The following PLEKHA5 variants were observed in gnomAD, a reference collection of about 807,000 sequenced individuals.
The protein encoded by PLEKHA5 is pleckstrin homology domain-containing family A member 5.
PLEKHA5 carries 55 observed loss-of-function variants against 181.9 expected under a neutral mutation model. The observed-to-expected ratio is 0.30, with a 90% CI of 0.24 to 0.38. The LOEUF (loss-of-function observed/expected upper bound fraction) is 0.38, where lower values mean the gene tolerates loss of function less well. Among genes scored for constraint, PLEKHA5 ranks in the 10% least tolerant of loss-of-function variants. The pLI is 1.00. For synonymous variants in PLEKHA5, 535 were observed against 529.4 expected (o/e 1.01, Z -0.15); for missense variants, 1,432 against 1,549.5 (o/e 0.92, Z 1.27).
At chr12:19,251,877 T>C (rs1033914781) in intron 3 of PLEKHA5, among the ~76,000 whole-genome samples, 2 of 152,116 alleles carry the variant, frequency 1.3e-5, no homozygotes, top group Non-Finnish European at 2.9e-5. Flanking sequence ...TGTCTTCCCT[T>C]CCCTGCCCTT....
intron 13 of PLEKHA5, among the ~76,000 whole-genome samples, chr12:19,290,458 T>C (rs2078179660): frequency 1.3e-5 from 2 of 152,242 alleles, no homozygotes; most frequent in Non-Finnish European, 2.9e-5. Context: ...TGCCTTAATT[T>C]ACTGTTGTTT....
intron 3 of PLEKHA5, among the ~76,000 whole-genome samples, chr12:19,140,673 C>T (rs2036994015): frequency 6.6e-6 from 1 of 152,160 alleles, no homozygotes; most frequent in South Asian, 2.1e-4. Flanking sequence ...AAAAGCAAGC[C>T]TCTTTACCTA....
Position 19,159,368 on chromosome 12 carries a change from A to T in PLEKHA5, c.227+26918A>T, listed in dbSNP as rs188399326. Among the ~76,000 whole-genome samples, 2 of 152,274 alleles carry T rather than the reference A, an allele frequency of 1.3e-5. 1 individual carries two copies. The highest frequency in any genetic ancestry group is 1.3e-4 in the Admixed American group (2 of 15,296). On this transcript the variant is annotated intron_variant, in intron 3 of 31. Coordinates refer to ENST00000429027, the MANE Select transcript of PLEKHA5 (RefSeq NM_001256470.2). ...ATTGCCCTTTTCACTTGAAACAATG[A>T]TGTATTCATAGTCTTAAATATTTTT...
chr12:19,197,071 C>CT (rs2052978621), intron 3 of PLEKHA5, among the ~76,000 whole-genome samples: 1 of 152,138 alleles, frequency 6.6e-6, no homozygotes, highest in South Asian at 2.1e-4. Context: ...AGGTAGCTCT[C>CT]TTCCCCACTG....
chr12:19,337,757 C>G (rs1030311616), intron 21 of PLEKHA5, among the ~76,000 whole-genome samples: 2 of 152,108 alleles, frequency 1.3e-5, no homozygotes, highest in Admixed American at 6.6e-5. Flanking sequence ...GACCAACCAG[C>G]CTGACCAACA....
At chr12:19,194,411 T>C (rs1250628868) in intron 3 of PLEKHA5, among the ~76,000 whole-genome samples, 1 of 152,196 alleles carries the variant, frequency 6.6e-6, no homozygotes, top group African/African-American at 2.4e-5. Flanking sequence ...AACATACAAG[T>C]GCATGTATCT....
intron 22 of PLEKHA5, among the ~76,000 whole-genome samples, chr12:19,344,091 A>G (rs2094146366): frequency 1.3e-5 from 2 of 151,886 alleles, no homozygotes; most frequent in Non-Finnish European, 2.9e-5. Flanking sequence ...TTATAATCTT[A>G]TGGGACCACT....
At chr12:19,224,154 G>C (rs780081650) in intron 3 of PLEKHA5, among the ~76,000 whole-genome samples, 1 of 152,182 alleles carries the variant, frequency 6.6e-6, no homozygotes, top group Non-Finnish European at 1.5e-5. Context: ...TAACAAGGTA[G>C]TATGTGGATG....
intron 20 of PLEKHA5, among the ~76,000 whole-genome samples, chr12:19,331,799 A>G (rs564908154): frequency 6.6e-6 from 1 of 151,544 alleles, no homozygotes; most frequent in Non-Finnish European, 1.5e-5. Context: ...GAGGCAGGAG[A>G]ATTGCTTTAG....
chr12:19,309,061 C>CA (rs1170350562), intron 15 of PLEKHA5, among the ~76,000 whole-genome samples: 67 of 147,458 alleles, frequency 4.5e-4, no homozygotes, highest in African/African-American at 1.1e-3. Context: ...GACTCCATCT[C>CA]AAAAAAAAAG....
chr12:19,129,914 GC>G (rs2032848522), intron 1 of PLEKHA5, 26 bp downstream of exon 1: 1 of 1,578,630 alleles, frequency 6.3e-7, no homozygotes, highest in African/African-American at 1.4e-5. Flanking sequence ...CGGCACGGGG[GC>G]CCGCGGGGGC....
intron 29 of PLEKHA5, among the ~76,000 whole-genome samples, chr12:19,363,595 G>A (rs529623541): frequency 1.8e-4 from 27 of 151,506 alleles, no homozygotes; most frequent in African/African-American, 4.4e-4. Context: ...GGGTTCAAGC[G>A]ATTCTCCTGC....
chr12:19,322,676 A>ATT lies in PLEKHA5; in HGVS notation c.2448+18_2448+19dup. 6 of 1,526,736 alleles carry ATT rather than the reference A, an allele frequency of 3.9e-6. No homozygotes were observed. Among genetic ancestry groups the ATT allele is most frequent in the African/African-American group, 1.4e-5 (1 of 72,006 alleles). 94.6% of individuals were successfully genotyped at this position (1,526,736 alleles called of 1,614,324 possible). A position where few individuals can be genotyped will look rare whatever the true frequency, so the allele number is the denominator to read the frequency against. Reference sequence around the variant, plus strand: ...TTTCTCGAGCCACTGCCGTAAGTAGATTTTTTTTTTCCCCTAATAAAAGTA... The same window carrying ATT: ...TTTCTCGAGCCACTGCCGTAAGTAGATTTTTTTTTTTTCCCCTAATAAAAGTA... On this transcript the variant is annotated intron_variant, in intron 20 of 31. Transcript: ENST00000429027.
chr12:19,195,555 A>C (rs537332511), intron 3 of PLEKHA5, among the ~76,000 whole-genome samples: 193 of 151,570 alleles, frequency 1.3e-3, no homozygotes, highest in African/African-American at 4.3e-3. Context: ...CTGTAGTCTC[A>C]GCTACTCTGA....
At chr12:19,269,640 G>T (rs747628011) in intron 8 of PLEKHA5, 130 bp from the exon 9 acceptor site, 40 of 515,850 alleles carry the variant, frequency 7.8e-5, no homozygotes, top group Non-Finnish European at 1.4e-4. Flanking sequence ...CATATCTCAG[G>T]TAAAAGATAA....
At position 19,189,182 on chromosome 12, in the gene PLEKHA5, A is replaced by G. The variant is rs575529197; in HGVS notation, c.227+56732A>G. ...GCAAGCAAGATGGGGTCCCCTAGCC[A>G]TGGCTGGTGAGGGGGACCGGGGCCA... is the stretch of plus-strand genomic sequence containing the variant. On this transcript the variant is annotated intron_variant, in intron 3 of 31. Coordinates refer to ENST00000429027, the MANE Select transcript of PLEKHA5 (RefSeq NM_001256470.2). Among the ~76,000 whole-genome samples, 6 of 152,344 alleles carry G rather than the reference A, an allele frequency of 3.9e-5. No individual in the cohort carries two copies. The South Asian group carries it at 6.2e-4, about 16-fold the overall frequency.
intron 25 of PLEKHA5, among the ~76,000 whole-genome samples, chr12:19,352,931 C>T (rs2094686064): frequency 1.3e-5 from 2 of 149,912 alleles, no homozygotes; most frequent in African/African-American, 4.9e-5. Flanking sequence ...TATAGGTGTA[C>T]ACCACCACAC....
At chr12:19,215,794 T>C (rs2057859398) in intron 3 of PLEKHA5, among the ~76,000 whole-genome samples, 1 of 152,350 alleles carries the variant, frequency 6.6e-6, no homozygotes, top group South Asian at 2.1e-4. Flanking sequence ...GCACTGACTT[T>C]TGGCTTTCTG....
intron 20 of PLEKHA5, among the ~76,000 whole-genome samples, chr12:19,331,738 C>A (rs2092857392): frequency 6.6e-6 from 1 of 152,064 alleles, no homozygotes; most frequent in Non-Finnish European, 1.5e-5. Flanking sequence ...TAAAAAAAAT[C>A]TTGGCCGGGC....
Sources: allele counts gnomAD v4.1 joint callset (sites outside exome capture counted in the v4.1 genomes callset), GRCh38; gene constraint gnomAD v4.1.1; transcripts MANE v1.5; gene names NCBI Gene and HGNC (gene_info 2026-07-23, HGNC 2026-07-21).